Variants in ATL1 observed in about 807,000 individuals in gnomAD.
The protein encoded by ATL1 is atlastin-1.
In ATL1, 31 loss-of-function variants were observed where a neutral mutation model predicts 75.5. That is an observed-to-expected ratio of 0.41 (90% CI 0.31 to 0.55). The LOEUF is 0.55. ATL1 is among the 20% of genes least tolerant of loss of function. The pLI, the probability that ATL1 is intolerant of heterozygous loss-of-function variation, is 0.27. For synonymous variants in ATL1, 226 were observed against 233.3 expected, an observed-to-expected ratio of 0.97 and a Z score of 0.28; for missense variants, 405 against 662.6, an observed-to-expected ratio of 0.61 and a Z score of 4.27.
At chr14:50,615,852 T>C (rs1595616085) in intron 8 of ATL1, among the ~76,000 whole-genome samples, 1 of 152,214 alleles carries the variant, frequency 6.6e-6, no homozygotes. Flanking sequence ...CAGCCCTTTA[T>C]TGGAACTAAA....
At chr14:50,604,352 C>A (rs1223568495) in intron 6 of ATL1, among the ~76,000 whole-genome samples, 1 of 151,896 alleles carries the variant, frequency 6.6e-6, no homozygotes, top group African/African-American at 2.4e-5. Flanking sequence ...GTGCCTATCC[C>A]CTCTCATTAA....
upstream of ATL1, among the ~76,000 whole-genome samples, chr14:50,557,293 C>T (rs890281223): frequency 6.6e-6 from 1 of 152,220 alleles, no homozygotes; most frequent in Non-Finnish European, 1.5e-5. Flanking sequence ...CCCTACTACC[C>T]TCTTCCCATT....
chr14:50,614,969 T>C (rs151142907), intron 8 of ATL1, among the ~76,000 whole-genome samples: 2 of 152,148 alleles, frequency 1.3e-5, no homozygotes, highest in African/African-American at 4.8e-5. Context: ...AAAAATGAAA[T>C]CTTGTGTGGA....
intron 1 of ATL1, among the ~76,000 whole-genome samples, chr14:50,554,450 C>A (rs1170311049): frequency 6.6e-6 from 1 of 152,170 alleles, no homozygotes; most frequent in Non-Finnish European, 1.5e-5. Flanking sequence ...CAAGGACTTT[C>A]ATGCAAGATT....
chr14:50,542,944 A>G (rs980489957), intron 1 of ATL1, among the ~76,000 whole-genome samples: 7 of 152,250 alleles, frequency 4.6e-5, no homozygotes, highest in Admixed American at 6.5e-5. Flanking sequence ...AGGTTGGTCA[A>G]TTACTTGGAA....
intron 11 of ATL1, among the ~76,000 whole-genome samples, chr14:50,624,025 A>G (rs1218675887): frequency 2.0e-5 from 3 of 152,260 alleles, no homozygotes; most frequent in African/African-American, 7.2e-5. Flanking sequence ...ACTGCACTCC[A>G]GCCTGGGCAA....
At chr14:50,611,208 T>A (rs1423630856) in intron 6 of ATL1, among the ~76,000 whole-genome samples, 1 of 152,128 alleles carries the variant, frequency 6.6e-6, no homozygotes, top group Non-Finnish European at 1.5e-5. Flanking sequence ...GAAATCCACC[T>A]ACACCGCTGA....
intron 1 of ATL1, among the ~76,000 whole-genome samples, chr14:50,576,290 A>T (rs1166651970): frequency 1.4e-5 from 2 of 144,024 alleles, no homozygotes; most frequent in African/African-American, 5.9e-5. Context: ...CATTTTCAAC[A>T]TATATTTTCA....
chr14:50,594,509 G>T (rs2039193967), intron 5 of ATL1, among the ~76,000 whole-genome samples: 1 of 152,088 alleles, frequency 6.6e-6, no homozygotes, highest in Non-Finnish European at 1.5e-5. Flanking sequence ...CAGCTGAGGT[G>T]ATAAGGTTCA....
rs550540660 is a variant in ATL1 at position 50,592,827 on chromosome 14, C to T, written c.523-1019C>T. Among the ~76,000 whole-genome samples, 69 of 149,196 alleles carry T rather than the reference C, an allele frequency of 4.6e-4. 2 individuals carry two copies. The South Asian group carries it at 0.013, about 29-fold the overall frequency. On this transcript the variant is annotated intron_variant, in intron 4 of 13. Transcript: ENST00000358385. ...TCGGGAGGCTGAGGCAGGAGAATGG[C>T]GTGAACCCAGGAGGCAGAGCACTTG... is the stretch of plus-strand genomic sequence containing the variant.
At chr14:50,552,048 A>G (rs2038709044) in intron 1 of ATL1, among the ~76,000 whole-genome samples, 1 of 152,234 alleles carries the variant, frequency 6.6e-6, no homozygotes, top group Non-Finnish European at 1.5e-5. Context: ...AGGGTATTCA[A>G]ATTGGAAAAG....
At chr14:50,595,390 G>A (rs1752299618) in intron 5 of ATL1, among the ~76,000 whole-genome samples, 186 bp from the exon 6 acceptor site, 1 of 152,154 alleles carries the variant, frequency 6.6e-6, no homozygotes, top group East Asian at 1.9e-4. Flanking sequence ...CCATGGCTCT[G>A]CTTTACCTAT....
chr14:50,619,294 C>T (rs1486699154), intron 8 of ATL1, among the ~76,000 whole-genome samples: 1 of 152,044 alleles, frequency 6.6e-6, no homozygotes, highest in East Asian at 1.9e-4. Context: ...CTCCTGACCT[C>T]ATGATCCACC....
chr14:50,608,402 CT>C (rs2140221782), intron 6 of ATL1, among the ~76,000 whole-genome samples: 1 of 151,988 alleles, frequency 6.6e-6, no homozygotes, highest in Admixed American at 6.6e-5. Context: ...GTTATTAAAC[CT>C]TTAATAGCTT....
chr14:50,617,202 T>C (rs2039423803), intron 8 of ATL1, among the ~76,000 whole-genome samples: 1 of 152,198 alleles, frequency 6.6e-6, no homozygotes, highest in African/African-American at 2.4e-5. Context: ...GATAATAATA[T>C]GATTAAATTT....
At chr14:50,601,425 TG>T (rs2039270796) in intron 6 of ATL1, among the ~76,000 whole-genome samples, 1 of 152,224 alleles carries the variant, frequency 6.6e-6, no homozygotes, top group African/African-American at 2.4e-5. Context: ...AGTGGTGTGC[TG>T]GCAAAATGTT....
At chr14:50,595,968 A>T (rs1012778140) in intron 6 of ATL1, among the ~76,000 whole-genome samples, 1 of 152,040 alleles carries the variant, frequency 6.6e-6, no homozygotes, top group African/African-American at 2.4e-5. Context: ...TCATTTATGT[A>T]CAAAAATTAA....
At chr14:50,593,960 T>C (rs2039188479) in intron 5 of ATL1, 64 bp downstream of exon 5, 2 of 1,210,178 alleles carry the variant, frequency 1.7e-6, no homozygotes, top group East Asian at 4.7e-5. Flanking sequence ...AGCAGAACTT[T>C]GGGGAATGAT....
intron 9 of ATL1, 67 bp from the exon 10 acceptor site, chr14:50,621,776 A>G (rs2039468755): frequency 1.0e-6 from 1 of 1,001,852 alleles, no homozygotes; most frequent in Non-Finnish European, 1.6e-6. Context: ...TTAGAATGCA[A>G]TTTCATAGAA....
Sources: gnomAD v4.1 joint callset for allele counts (sites outside exome capture counted in the v4.1 genomes callset) on GRCh38, gnomAD v4.1.1 for gene constraint, MANE v1.5 for transcripts, NCBI Gene and HGNC (gene_info 2026-07-23, HGNC 2026-07-21) for gene names.